AVEN: variants seen among roughly 807,000 people sequenced by gnomAD.
AVEN encodes apoptosis and caspase activation inhibitor.
Under a neutral mutation model 38.1 loss-of-function variants are expected in AVEN, and 41 were observed. The ratio of observed to expected loss-of-function variants is 1.08; its 90% CI spans 0.84 to 1.40. AVEN has a LOEUF of 1.40. Among genes scored for constraint, AVEN ranks in the 40% most tolerant of loss-of-function variants. AVEN has a pLI of 0.00. For synonymous variants in AVEN, 206 were observed against 171.8 expected (o/e 1.20, Z -1.56); for missense variants, 605 against 438.8 (o/e 1.38, Z -3.38).
intron 11 of AVEN, chr15:33,860,620 G>A (rs757798737): frequency 7.5e-6 from 12 of 1,593,354 alleles, no homozygotes. Flanking sequence ...CTTTCGGAGA[G>A]CTAAGAGACC....
chr15:34,010,352 A>C (rs1897584618), intron 1 of AVEN, among the ~76,000 whole-genome samples: 1 of 152,224 alleles, frequency 6.6e-6, no homozygotes, highest in Admixed American at 6.5e-5. Context: ...AGAAGTTGCC[A>C]AGAGAATACT....
At chr15:33,854,295 A>G (rs1274652939), downstream of AVEN, 1 of 954,156 alleles carries the variant, frequency 1.0e-6, no homozygotes, top group Non-Finnish European at 1.6e-6. Flanking sequence ...TTAGGTTATT[A>G]AACCTGAGAG....
At chr15:33,870,394 T>C (rs982801221) in intron 4 of AVEN, among the ~76,000 whole-genome samples, 5 of 152,210 alleles carry the variant, frequency 3.3e-5, no homozygotes, top group African/African-American at 1.2e-4. Flanking sequence ...CTTTCTCGTT[T>C]AAATGCCAGC....
At chr15:33,867,075 C>T (rs1217312747) in intron 5 of AVEN, among the ~76,000 whole-genome samples, 5 of 152,172 alleles carry the variant, frequency 3.3e-5, no homozygotes, top group African/African-American at 1.2e-4. Context: ...GGGCCACTAT[C>T]TCACAGGACA....
chr15:33,916,081 C>T (rs947271677), intron 2 of AVEN, among the ~76,000 whole-genome samples: 3 of 152,116 alleles, frequency 2.0e-5, no homozygotes, highest in Non-Finnish European at 4.4e-5. Flanking sequence ...GATGGTTTTT[C>T]TCTACCTGCC....
At chr15:34,011,131 G>T (rs1271034805) in intron 1 of AVEN, among the ~76,000 whole-genome samples, 1 of 152,090 alleles carries the variant, frequency 6.6e-6, no homozygotes, top group Non-Finnish European at 1.5e-5. Flanking sequence ...GCTCAAGGCT[G>T]CAGTAAGCTA....
intron 2 of AVEN, among the ~76,000 whole-genome samples, chr15:33,952,940 C>T (rs951817474): frequency 1.3e-5 from 2 of 151,184 alleles, no homozygotes; most frequent in African/African-American, 4.8e-5. Context: ...TAAGACTTTT[C>T]GTCTCAGGAT....
intron 2 of AVEN, among the ~76,000 whole-genome samples, chr15:33,992,423 C>A (rs1896768281): frequency 6.6e-6 from 1 of 152,064 alleles, no homozygotes; most frequent in African/African-American, 2.4e-5. Flanking sequence ...AAATTAGGCC[C>A]AATATTCAAT....
At chr15:33,918,898 G>A (rs1019284537) in intron 2 of AVEN, among the ~76,000 whole-genome samples, 69 of 150,186 alleles carry the variant, frequency 4.6e-4, no homozygotes, top group African/African-American at 1.7e-3. Context: ...TCAAACACAT[G>A]AAATAGCCCA....
chr15:33,946,017 C>T (rs990426895), intron 2 of AVEN, among the ~76,000 whole-genome samples: 1 of 152,166 alleles, frequency 6.6e-6, no homozygotes, highest in African/African-American at 2.4e-5. Context: ...ATATTTTATT[C>T]TTAGTGTCTG....
chr15:34,043,976 T>G (rs1048760703), upstream of AVEN, among the ~76,000 whole-genome samples: 1 of 152,074 alleles, frequency 6.6e-6, no homozygotes, highest in Non-Finnish European at 1.5e-5. Context: ...TGTGATCACC[T>G]ACTTGGGGAC....
chr15:34,029,033 C>A, intron 1 of AVEN, among the ~76,000 whole-genome samples: 1 of 152,264 alleles, frequency 6.6e-6, no homozygotes, highest in South Asian at 2.1e-4. Flanking sequence ...TTGTCCACAA[C>A]TCTTCACCTC....
chr15:33,930,341 CAAA>C (rs10610430), intron 2 of AVEN, among the ~76,000 whole-genome samples: 7 of 141,374 alleles, frequency 5.0e-5, no homozygotes, highest in African/African-American at 5.2e-5. Context: ...CCATCTAGGA[CAAA>C]AAAAAAAAAA....
chr15:34,038,800 C>A lies in AVEN; in HGVS notation c.247G>T (p.Gly83Cys). ...CTTACCGGCGCGCTGGCCCCTGCGC[C>A]CCAGCCTCCCGGCTCCCGGCGGCTG... is the stretch of plus-strand genomic sequence containing the variant. ...RGSRREPGGWGAGASAPVEDD... is the reference protein window; with the variant it reads ...RGSRREPGGWCAGASAPVEDD... Residue 83 changes from glycine to cysteine, a missense_variant, in exon 1 of 6, where the codon GGC becomes TGC. Physicochemically the swap from Gly to Cys is radical, Grantham distance 159 (BLOSUM62 -3). Coordinates refer to ENST00000306730, the MANE Select transcript of AVEN (RefSeq NM_020371.3). The A allele has an allele frequency of 8.4e-7, 1 of 1,193,068 alleles. No individual in the cohort carries two copies. The highest frequency in any genetic ancestry group is 3.4e-5 in the South Asian group (1 of 29,398). 73.9% of individuals were successfully genotyped at this position (1,193,068 alleles called of 1,614,324 possible). A position where few individuals can be genotyped will look rare whatever the true frequency, so the allele number is the denominator to read the frequency against.
intron 1 of AVEN, among the ~76,000 whole-genome samples, chr15:34,073,109 C>T (rs1381874054): frequency 6.6e-6 from 1 of 150,820 alleles, no homozygotes; most frequent in Admixed American, 6.6e-5. Context: ...GGCACGATCT[C>T]GACTCACTGC....
chr15:33,853,488 C>T, the AVEN span: 55 of 1,575,716 alleles, frequency 3.5e-5, no homozygotes, highest in Non-Finnish European at 3.5e-6. Flanking sequence ...GCTCTGAAGA[C>T]CCCAGAGCTA....
intron 3 of AVEN, among the ~76,000 whole-genome samples, chr15:33,874,784 A>C (rs12899655): frequency 0.56 from 84,647 of 152,054 alleles, 26,224 homozygotes; most frequent in Non-Finnish European, 0.7. Context: ...TTGATGAATG[A>C]CGAAGCTTAG....
At chr15:33,938,748 A>T (rs1159618876) in intron 2 of AVEN, among the ~76,000 whole-genome samples, 1 of 152,232 alleles carries the variant, frequency 6.6e-6, no homozygotes, top group Non-Finnish European at 1.5e-5. Flanking sequence ...TGATAAAGTT[A>T]TAAATTTAAA....
At chr15:33,983,729 T>C (rs1045210516) in intron 2 of AVEN, among the ~76,000 whole-genome samples, 2 of 151,844 alleles carry the variant, frequency 1.3e-5, no homozygotes, top group Non-Finnish European at 2.9e-5. Flanking sequence ...GAACAATAAA[T>C]GGAAAGGGAA....
Sources: gnomAD v4.1 joint callset for allele counts (sites outside exome capture counted in the v4.1 genomes callset) on GRCh38, gnomAD v4.1.1 for gene constraint, MANE v1.5 for transcripts, NCBI Gene and HGNC (gene_info 2026-07-23, HGNC 2026-07-21) for gene names.